The following LAMA2 variants were observed in gnomAD, a reference collection of about 807,000 sequenced individuals.
LAMA2 encodes laminin subunit alpha-2.
LAMA2 carries 269 observed loss-of-function variants against 364.8 expected under a neutral mutation model. That is an observed-to-expected ratio of 0.74 (90% CI 0.67 to 0.82). The LOEUF (loss-of-function observed/expected upper bound fraction) is 0.82, where lower values mean the gene tolerates loss of function less well. Ranked by LOEUF, LAMA2 falls within the 40% of genes least tolerant of loss-of-function variation. The pLI is 0.00. For missense variants in LAMA2, 3,807 were observed against 3,873.2 expected (o/e 0.98, Z 0.45); for synonymous variants, 1,379 against 1,370.6 (o/e 1.01, Z -0.14).
At chr6:128,982,366 C>T (rs1385648392) in intron 1 of LAMA2, among the ~76,000 whole-genome samples, 4 of 152,056 alleles carry the variant, frequency 2.6e-5, no homozygotes, top group South Asian at 4.1e-4. Flanking sequence ...GTGGTGTTTG[C>T]GTTTTTCCAA....
chr6:129,096,374 C>T (rs141404777), intron 3 of LAMA2, among the ~76,000 whole-genome samples: 4 of 152,032 alleles, frequency 2.6e-5, no homozygotes, highest in African/African-American at 7.2e-5. Flanking sequence ...TAGCAGAATA[C>T]GGGATGGAAA....
At chr6:129,371,814 C>T (rs572646049) in intron 34 of LAMA2, among the ~76,000 whole-genome samples, 17 of 151,674 alleles carry the variant, frequency 1.1e-4, no homozygotes, top group East Asian at 5.8e-4. Context: ...TCACCATGTT[C>T]GTCAGGCTGG....
intron 12 of LAMA2, among the ~76,000 whole-genome samples, chr6:129,243,722 T>C (rs992727438): frequency 4.0e-5 from 6 of 151,748 alleles, no homozygotes; most frequent in Non-Finnish European, 5.9e-5. Context: ...AGTGGTCACA[T>C]TGAAAAAGAA....
At chr6:128,982,814 A>G (rs1782975813) in intron 1 of LAMA2, among the ~76,000 whole-genome samples, 1 of 126,518 alleles carries the variant, frequency 7.9e-6, no homozygotes, top group Admixed American at 9.8e-5. Flanking sequence ...TCTTGTGTCC[A>G]TGTGTTCTCA....
At chr6:129,121,296 A>G (rs1776791731) in intron 4 of LAMA2, among the ~76,000 whole-genome samples, 1 of 152,202 alleles carries the variant, frequency 6.6e-6, no homozygotes, top group Non-Finnish European at 1.5e-5. Flanking sequence ...ATTCAGTAAG[A>G]AAGATATTTA....
rs192650285 is a variant in LAMA2, at chr6:129,342,475, T to C, written c.4436+8T>C. On this transcript the variant is annotated splice_region_variant and intron_variant, in intron 30 of 64. Transcript: ENST00000421865. The stretch of plus-strand genomic sequence containing the variant: ...GATTTCTTCCAGTAACAAGTAAGAT[T>C]GAGAAATATAACCATATTTCCCAAT... The C allele has an allele frequency of 1.3e-4, 206 of 1,612,368 alleles. No individual in the cohort carries two copies. Among genetic ancestry groups the C allele is most frequent in the Non-Finnish European group, 1.6e-4 (191 of 1,178,782 alleles).
chr6:129,144,923 C>T (rs143790170), intron 5 of LAMA2, among the ~76,000 whole-genome samples: 64 of 151,960 alleles, frequency 4.2e-4, no homozygotes, highest in African/African-American at 1.5e-3. Flanking sequence ...GAGTGATAAC[C>T]GTGCTTCCTC....
intron 37 of LAMA2, among the ~76,000 whole-genome samples, chr6:129,398,034 A>T (rs1183137593): frequency 2.6e-5 from 4 of 152,216 alleles, no homozygotes; most frequent in Admixed American, 6.5e-5. Context: ...TGCTTTTACA[A>T]AAGATTCTAA....
At chr6:129,049,539 A>G (rs1267676773) in intron 1 of LAMA2, among the ~76,000 whole-genome samples, 1 of 152,072 alleles carries the variant, frequency 6.6e-6, no homozygotes, top group Non-Finnish European at 1.5e-5. Context: ...ACATGCAATT[A>G]TGTCTTGATA....
At chr6:129,461,896 C>T (rs1047866642) in intron 49 of LAMA2, among the ~76,000 whole-genome samples, 2 of 151,924 alleles carry the variant, frequency 1.3e-5, no homozygotes, top group African/African-American at 4.8e-5. Context: ...AAAACAAATA[C>T]TAAAATAGTT....
rs139621146 is a variant in LAMA2, at chr6:129,085,061, C to G, written c.397-13112C>G. On this transcript the variant is annotated intron_variant, in intron 3 of 64. Coordinates refer to ENST00000421865, the MANE Select transcript of LAMA2 (RefSeq NM_000426.4). The stretch of plus-strand genomic sequence containing the variant: ...CAGACTGCCCAGGAAGCCCCATGGA[C>G]TCAGTTTTATCCCTTGGGTATCACA... Among the ~76,000 whole-genome samples the G allele has an allele frequency of 3.2e-3, 494 of 152,262 alleles. 6 individuals are homozygous for G. The highest frequency in any genetic ancestry group is 0.017 in the Middle Eastern group (5 of 294).
intron 35 of LAMA2, among the ~76,000 whole-genome samples, chr6:129,384,407 A>G (rs1778862239): frequency 6.6e-6 from 1 of 152,156 alleles, no homozygotes; most frequent in Admixed American, 6.5e-5. Flanking sequence ...CTTTCCATTG[A>G]CATTTCAAAC....
intron 22 of LAMA2, among the ~76,000 whole-genome samples, chr6:129,311,452 T>C (rs1774225647): frequency 6.6e-6 from 1 of 152,186 alleles, no homozygotes; most frequent in Non-Finnish European, 1.5e-5. Flanking sequence ...CTTGGAAGTG[T>C]GGTGGGCCGC....
At chr6:129,245,275 C>T (rs530730035) in intron 12 of LAMA2, among the ~76,000 whole-genome samples, 2 of 152,162 alleles carry the variant, frequency 1.3e-5, no homozygotes, top group South Asian at 2.1e-4. Flanking sequence ...TAAATATAGT[C>T]GAATCCATCC....
chr6:129,326,715 ATTTATATATTATATATAT>A (rs1038927433), intron 28 of LAMA2, among the ~76,000 whole-genome samples: 4 of 140,648 alleles, frequency 2.8e-5, no homozygotes, highest in East Asian at 2.0e-4. Flanking sequence ...TTATATACAT[ATTTATATATTATATATAT>A]TTTATATATT....
chr6:129,275,687 C>T (rs6907984), intron 17 of LAMA2, among the ~76,000 whole-genome samples: 30,136 of 147,920 alleles, frequency 0.2, 3,582 homozygotes, highest in African/African-American at 0.33. Context: ...ATACCTTTCA[C>T]GTTAAATCAA....
At chr6:129,084,865 A>C (rs1774279630) in intron 3 of LAMA2, among the ~76,000 whole-genome samples, 1 of 152,166 alleles carries the variant, frequency 6.6e-6, no homozygotes, top group South Asian at 2.1e-4. Context: ...ATAATGAAAT[A>C]CTTCATTAAA....
At chr6:129,227,180 A>C (rs1009475158) in intron 12 of LAMA2, among the ~76,000 whole-genome samples, 1 of 152,118 alleles carries the variant, frequency 6.6e-6, no homozygotes. Context: ...TTTCAGCTCC[A>C]TCAGGTCATT....
intron 1 of LAMA2, among the ~76,000 whole-genome samples, chr6:128,976,197 T>C (rs902421082): frequency 1.3e-5 from 2 of 151,920 alleles, no homozygotes; most frequent in Non-Finnish European, 2.9e-5. Flanking sequence ...ATATAGAGAG[T>C]GGGGAGGAAG....
Sources: gnomAD v4.1 joint callset for allele counts (sites outside exome capture counted in the v4.1 genomes callset) on GRCh38, gnomAD v4.1.1 for gene constraint, MANE v1.5 for transcripts, NCBI Gene and HGNC (gene_info 2026-07-23, HGNC 2026-07-21) for gene names.